Variants in LDB2 observed in about 807,000 individuals in gnomAD.
LDB2 encodes the protein LIM domain binding 2, also known as LIM domain-binding protein 2.
A neutral mutation model predicts 44.3 loss-of-function variants in LDB2; 12 were observed. The ratio of observed to expected loss-of-function variants is 0.27; its 90% CI spans 0.17 to 0.44. The LOEUF is 0.44. LDB2 is among the 20% of genes least tolerant of loss of function. The probability of loss-of-function intolerance (pLI) is 1.00; values close to 1 mark genes in which losing one functional copy is unlikely to be tolerated. For synonymous variants in LDB2, 164 were observed against 174.8 expected, an observed-to-expected ratio of 0.94 and a Z score of 0.49; for missense variants, 344 against 473.5, an observed-to-expected ratio of 0.73 and a Z score of 2.54.
At chr4:16,765,814 TGCATGTCAGGAGTTCATATG>T (rs1769083540) in intron 1 of LDB2, among the ~76,000 whole-genome samples, 1 of 152,216 alleles carries the variant, frequency 6.6e-6, no homozygotes. Context: ...GCCCCAGGCA[TGCATGTCAGGAGTTCATATG>T]GAGGCAGAAA....
intron 2 of LDB2, among the ~76,000 whole-genome samples, chr4:16,758,358 T>C (rs935049020): frequency 1.2e-4 from 19 of 152,218 alleles, no homozygotes; most frequent in African/African-American, 4.6e-4. Context: ...ATCATTTCAG[T>C]GTTTGTGACA....
At chr4:16,696,022 G>A (rs1752045097) in intron 2 of LDB2, among the ~76,000 whole-genome samples, 1 of 152,178 alleles carries the variant, frequency 6.6e-6, no homozygotes, top group Non-Finnish European at 1.5e-5. Flanking sequence ...AGCTGAAAAT[G>A]CAGAGCAATG....
Position 16,561,751 on chromosome 4 carries a change from C to T in LDB2, c.615+24171G>A, listed in dbSNP as rs553167357. 3.2e-4 allele frequency among the ~76,000 whole-genome samples: 48 copies of T among 152,200 alleles called. No individual in the cohort carries two copies. In the South Asian group the frequency reaches 3.9e-3, roughly 12 times the overall value. On this transcript the variant is annotated intron_variant, in intron 5 of 7. Transcript: ENST00000304523. ...GTTCACATGGAACCAAAAAAGAGCC[C>T]GCATCGCCAAGTCAATCCTAAGCCA... is the stretch of plus-strand genomic sequence containing the variant.
intron 5 of LDB2, among the ~76,000 whole-genome samples, chr4:16,557,669 CT>C (rs1740258437): frequency 2.0e-5 from 3 of 152,226 alleles, no homozygotes; most frequent in Non-Finnish European, 4.4e-5. Flanking sequence ...GCAGTAACCT[CT>C]GCAGACTTAA....
chr4:16,614,346 G>T (rs1276073095), intron 2 of LDB2, among the ~76,000 whole-genome samples: 1 of 152,042 alleles, frequency 6.6e-6, no homozygotes, highest in African/African-American at 2.4e-5. Flanking sequence ...TACCATTCAG[G>T]ACATAAGCAT....
intron 1 of LDB2, among the ~76,000 whole-genome samples, chr4:16,817,252 C>T (rs952264156): frequency 3.3e-5 from 5 of 152,204 alleles, no homozygotes; most frequent in Non-Finnish European, 7.3e-5. Flanking sequence ...AGCTCGACTT[C>T]CTACTCTCTC....
Position 16,882,086 on chromosome 4 carries a change from G to T in LDB2, c.132+16268C>A, listed in dbSNP as rs549888094. Among the ~76,000 whole-genome samples, 21 of 152,296 alleles carry T rather than the reference G, an allele frequency of 1.4e-4. No individual in the cohort carries two copies. The South Asian group carries it at 4.4e-3, about 32-fold the overall frequency. ...TGCATGTCTCAGTACCGCAATCCTG[G>T]CTGGGAAAACCTCTGTCCTCGCTGC... On this transcript the variant is annotated intron_variant, in intron 1 of 7. Coordinates refer to ENST00000304523, the MANE Select transcript of LDB2 (RefSeq NM_001290.5).
intron 1 of LDB2, among the ~76,000 whole-genome samples, chr4:16,892,446 T>G (rs1723688354): frequency 1.3e-5 from 2 of 152,198 alleles, no homozygotes. Context: ...TTTTAAAAAT[T>G]TAAAAAGAAG....
chr4:16,740,325 T>C (rs1762982004), intron 2 of LDB2, among the ~76,000 whole-genome samples: 1 of 152,256 alleles, frequency 6.6e-6, no homozygotes, highest in Admixed American at 6.5e-5. Flanking sequence ...CATTCAGTTA[T>C]ATTCCTGGCG....
rs536040674 is a variant in LDB2 at position 16,766,711 on chromosome 4, G to C, written c.133-7451C>G. Among the ~76,000 whole-genome samples the C allele has an allele frequency of 2.0e-4, 30 of 151,822 alleles. 1 individual carries two copies. The highest frequency in any genetic ancestry group is 5.3e-4 in the Admixed American group (8 of 15,230). ...AGTAGAGACAGGGTTTCACCATGTT[G>C]GTCAAGCTGGTCCTGAACTCCTGAC... On this transcript the variant is annotated intron_variant, in intron 1 of 7. Transcript: ENST00000304523.
intron 2 of LDB2, chr4:16,674,200 C>A (rs1745652623): frequency 1.6e-6 from 2 of 1,270,914 alleles, no homozygotes; most frequent in South Asian, 2.5e-5. Flanking sequence ...AATGAGGTAC[C>A]TTTGGTCAAA....
At position 16,859,098 on chromosome 4, in the gene LDB2, AAC is replaced by A. The variant is rs528063224; in HGVS notation, c.132+39254_132+39255del. ...TGTTAAAGCACTACCACCACTCCAC[AAC>A]AGTTAATATTCCCATTTTACAGATA... is the stretch of plus-strand genomic sequence containing the variant. On this transcript the variant is annotated intron_variant, in intron 1 of 7. Coordinates refer to ENST00000304523, the MANE Select transcript of LDB2 (RefSeq NM_001290.5). Among the ~76,000 whole-genome samples the A allele has an allele frequency of 3.3e-4, 51 of 152,322 alleles. 1 individual carries two copies. In the East Asian group the frequency reaches 7.9e-3, roughly 24 times the overall value.
chr4:16,881,924 T>A (rs960959680), intron 1 of LDB2, among the ~76,000 whole-genome samples: 13 of 152,330 alleles, frequency 8.5e-5, no homozygotes, highest in African/African-American at 2.6e-4. Context: ...CCTCCTAAAA[T>A]CATCAGAGAT....
chr4:16,769,387 C>T (rs1770115486), intron 1 of LDB2, among the ~76,000 whole-genome samples: 1 of 151,800 alleles, frequency 6.6e-6, no homozygotes. Flanking sequence ...ACCTCCGCCC[C>T]TTGGGTTCAA....
Position 16,784,150 on chromosome 4 carries a change from A to G in LDB2, c.133-24890T>C, listed in dbSNP as rs79741126. The stretch of plus-strand genomic sequence containing the variant: ...CAGCGTTTCATCTCATGTAAGCCTC[A>G]TGGCACCCTGGGGCACATAGGCAAA... On this transcript the variant is annotated intron_variant, in intron 1 of 7. Coordinates refer to ENST00000304523, the MANE Select transcript of LDB2 (RefSeq NM_001290.5). 1.1e-4 allele frequency among the ~76,000 whole-genome samples: 17 copies of G among 152,332 alleles called. 1 individual carries two copies. The East Asian group carries it at 2.9e-3, about 26-fold the overall frequency.
At chr4:16,836,705 G>A (rs1362551080) in intron 1 of LDB2, among the ~76,000 whole-genome samples, 11 of 151,866 alleles carry the variant, frequency 7.2e-5, no homozygotes, top group Non-Finnish European at 8.8e-5. Context: ...TATTGATTTC[G>A]TCTAGTTACC....
At chr4:16,603,136 G>A (rs1166295826) in intron 2 of LDB2, among the ~76,000 whole-genome samples, 1 of 152,172 alleles carries the variant, frequency 6.6e-6, no homozygotes, top group Non-Finnish European at 1.5e-5. Context: ...TTTCGACTTT[G>A]ATCTAAAGTA....
rs987677219 is a variant in LDB2, at chr4:16,571,011, C to T, written c.615+14911G>A. Among the ~76,000 whole-genome samples, 7 of 152,242 alleles carry T rather than the reference C, an allele frequency of 4.6e-5. No individual in the cohort carries two copies. In the Middle Eastern group the frequency reaches 0.01, roughly 222 times the overall value. On this transcript the variant is annotated intron_variant, in intron 5 of 7. Coordinates refer to ENST00000304523, the MANE Select transcript of LDB2 (RefSeq NM_001290.5). ...TCCTGATGCAGCAAGTACAAAGTCC[C>T]TGGCATGATAAGAAACTTGGTATGT...
chr4:16,881,687 A>C lies in LDB2; in HGVS notation c.132+16667T>G, dbSNP rs190623326. 1.5e-3 allele frequency among the ~76,000 whole-genome samples: 230 copies of C among 151,048 alleles called. 2 individuals are homozygous for C. The highest frequency in any genetic ancestry group is 6.8e-3 in the Middle Eastern group (2 of 292). On this transcript the variant is annotated intron_variant, in intron 1 of 7. Coordinates refer to ENST00000304523, the MANE Select transcript of LDB2 (RefSeq NM_001290.5). The stretch of plus-strand genomic sequence containing the variant: ...TATGATTAACTTCCTGATAAGGATG[A>C]AATTTTCCACCCTCTACTCAGACAA...
Sources: allele counts gnomAD v4.1 joint callset (sites outside exome capture counted in the v4.1 genomes callset), GRCh38; gene constraint gnomAD v4.1.1; transcripts MANE v1.5; gene names NCBI Gene and HGNC (gene_info 2026-07-23, HGNC 2026-07-21).